HEMK2: variants seen among roughly 807,000 people sequenced by gnomAD.
HEMK2 encodes HemK methyltransferase 2, ETF1 glutamine and histone H4 lysine, also known as methyltransferase HEMK2.
the HEMK2 span, among the ~76,000 whole-genome samples, chr21:28,634,495 ATTAAGTGAAGTTCC>A: frequency 3.9e-5 from 6 of 152,228 alleles, no homozygotes; most frequent in Non-Finnish European, 7.3e-5. Flanking sequence ...ATAAGTAGCT[ATTAAGTGAAGTTCC>A]TTGACTTTGT....
At chr21:28,729,346 G>A in the HEMK2 span, among the ~76,000 whole-genome samples, 1 of 152,110 alleles carries the variant, frequency 6.6e-6, no homozygotes, top group Non-Finnish European at 1.5e-5. Context: ...AACCAAGACC[G>A]TGGCCTAGAA....
the HEMK2 span, among the ~76,000 whole-genome samples, chr21:28,606,455 C>T: frequency 6.6e-6 from 1 of 152,134 alleles, no homozygotes; most frequent in Admixed American, 6.5e-5. Flanking sequence ...GGCTGGTCAT[C>T]TCACTCCCAT....
At chr21:28,849,353 C>T in the HEMK2 span, among the ~76,000 whole-genome samples, 1 of 151,880 alleles carries the variant, frequency 6.6e-6, no homozygotes, top group African/African-American at 2.4e-5. Context: ...AAAAAAACAA[C>T]AACAACAAAA....
the HEMK2 span, among the ~76,000 whole-genome samples, chr21:28,673,161 A>G: frequency 4.1e-5 from 6 of 147,474 alleles, no homozygotes; most frequent in African/African-American, 1.2e-4. Flanking sequence ...GGAAGGAAGG[A>G]AGGGAGGGAG....
the HEMK2 span, among the ~76,000 whole-genome samples, chr21:28,805,201 T>A: frequency 7.2e-4 from 110 of 152,338 alleles, no homozygotes; most frequent in African/African-American, 2.5e-3. Context: ...GCCGACTTTA[T>A]CACTGGGCCA....
chr21:28,746,126 G>A, the HEMK2 span, among the ~76,000 whole-genome samples: 1 of 152,204 alleles, frequency 6.6e-6, no homozygotes, highest in African/African-American at 2.4e-5. Context: ...AATAAAAACT[G>A]ATAAAACGTT....
the HEMK2 span, among the ~76,000 whole-genome samples, chr21:28,841,268 T>TA: frequency 2.1e-3 from 19 of 9,252 alleles, 2 homozygotes; most frequent in African/African-American, 0.02. Context: ...ATATAATATA[T>TA]ATTATATATT....
At chr21:28,708,411 T>A in the HEMK2 span, among the ~76,000 whole-genome samples, 1 of 152,224 alleles carries the variant, frequency 6.6e-6, no homozygotes, top group African/African-American at 2.4e-5. Context: ...TTATAATTTA[T>A]CTTACAATTT....
At chr21:28,730,871 A>T in the HEMK2 span, among the ~76,000 whole-genome samples, 1 of 152,008 alleles carries the variant, frequency 6.6e-6, no homozygotes, top group Non-Finnish European at 1.5e-5. Flanking sequence ...GAGATTATAC[A>T]TGTGTGTGAA....
At chr21:28,810,624 G>A in the HEMK2 span, among the ~76,000 whole-genome samples, 1 of 152,184 alleles carries the variant, frequency 6.6e-6, no homozygotes, top group Non-Finnish European at 1.5e-5. Context: ...TAGCATTCCA[G>A]CCCTACAATG....
the HEMK2 span, among the ~76,000 whole-genome samples, chr21:28,833,377 TA>T: frequency 1.2e-4 from 19 of 152,208 alleles, no homozygotes; most frequent in Non-Finnish European, 2.4e-4. Context: ...TTTACATTCC[TA>T]GAAGTACTGT....
the HEMK2 span, among the ~76,000 whole-genome samples, chr21:28,877,146 GAGAGAGAAAGAA>G: frequency 1.3e-4 from 16 of 124,654 alleles, no homozygotes; most frequent in South Asian, 2.3e-3. Context: ...AGAGAAGAGA[GAGAGAGAAAGAA>G]AGAGAAAGAA....
At chr21:28,882,984 C>A in the HEMK2 span, 120 of 1,577,530 alleles carry the variant, frequency 7.6e-5, no homozygotes, top group African/African-American at 1.2e-4. Flanking sequence ...GATATACTTA[C>A]ATGTACAAAG....
chr21:28,885,196 C>T, the HEMK2 span: 1 of 1,551,194 alleles, frequency 6.4e-7, no homozygotes, highest in South Asian at 1.2e-5. Flanking sequence ...CGTCAGAGCC[C>T]CTCCCCTCCT....
chr21:28,766,798 T>C, the HEMK2 span, among the ~76,000 whole-genome samples: 403 of 152,168 alleles, frequency 2.6e-3, 3 homozygotes, highest in African/African-American at 9.1e-3. Context: ...AGCTAAGTTA[T>C]GAGGACACAA....
chr21:28,711,081 T>A, the HEMK2 span, among the ~76,000 whole-genome samples: 1 of 152,292 alleles, frequency 6.6e-6, no homozygotes, highest in South Asian at 2.1e-4. Context: ...TGATTTTTAA[T>A]ATGTTCAACT....
chr21:28,614,220 T>C, the HEMK2 span, among the ~76,000 whole-genome samples: 1 of 152,222 alleles, frequency 6.6e-6, no homozygotes, highest in Non-Finnish European at 1.5e-5. Context: ...TTTACAAAAT[T>C]AGAACTACCT....
At chr21:28,848,139 C>A in the HEMK2 span, among the ~76,000 whole-genome samples, 1 of 152,106 alleles carries the variant, frequency 6.6e-6, no homozygotes, top group Admixed American at 6.5e-5. Context: ...TTAGAACAGT[C>A]TTTTCCAATT....
At chr21:28,742,830 T>A in the HEMK2 span, among the ~76,000 whole-genome samples, 1,158 of 152,198 alleles carry the variant, frequency 7.6e-3, 15 homozygotes, top group African/African-American at 0.026. Context: ...TATCTATTTA[T>A]TGAGGGAGAA....
Sources: allele counts gnomAD v4.1 joint callset (sites outside exome capture counted in the v4.1 genomes callset), GRCh38; gene constraint gnomAD v4.1.1; transcripts MANE v1.5; gene names NCBI Gene and HGNC (gene_info 2026-07-23, HGNC 2026-07-21).